Variants in KIF14 observed in about 807,000 individuals in gnomAD.
KIF14 encodes kinesin-like protein KIF14.
In KIF14, 98 loss-of-function variants were observed where a neutral mutation model predicts 176.2. That is an observed-to-expected ratio of 0.56 (90% CI 0.47 to 0.66). The LOEUF (loss-of-function observed/expected upper bound fraction) is 0.66, where lower values mean the gene tolerates loss of function less well. Among genes scored for constraint, KIF14 ranks in the 30% least tolerant of loss-of-function variants. The probability of loss-of-function intolerance (pLI) is 0.00; values close to 1 mark genes in which losing one functional copy is unlikely to be tolerated. For synonymous variants in KIF14, 566 were observed against 632.2 expected (o/e 0.90, Z 1.57); for missense variants, 1,751 against 1,920.4 (o/e 0.91, Z 1.65).
intron 19 of KIF14, among the ~76,000 whole-genome samples, chr1:200,581,671 AT>A (rs1232214411): frequency 6.7e-6 from 1 of 150,046 alleles, no homozygotes; most frequent in Non-Finnish European, 1.5e-5. Flanking sequence ...GTCCTTTTGT[AT>A]TTTGCCTAAA....
At chr1:200,570,686 C>T (rs1178653662) in intron 22 of KIF14, among the ~76,000 whole-genome samples, 1 of 152,160 alleles carries the variant, frequency 6.6e-6, no homozygotes, top group African/African-American at 2.4e-5. Context: ...TTATCCTGAG[C>T]AAATTATCCA....
In KIF14 at chr1:200,617,901, T is replaced by C. The variant is rs1354019069; in HGVS notation, c.823A>G (p.Lys275Glu). Reference protein sequence around the residue: ...KTSNKFGSLEKRTPTKCTTEH... With the variant: ...KTSNKFGSLEERTPTKCTTEH... ...GTTGTACATTTTGTAGGTGTTCTTTTTTCTAAGCTCCCAAATTTATTTGAA... is the reference window on the plus strand; with the variant it reads ...GTTGTACATTTTGTAGGTGTTCTTTCTTCTAAGCTCCCAAATTTATTTGAA... The change falls in exon 2 of 30, where the codon AAA becomes GAA. Residue 275 changes from lysine to glutamate, a missense_variant. Lys to Glu is a moderately conservative substitution (Grantham distance 56). Transcript: ENST00000367350. 1 of 1,614,030 alleles carries C rather than the reference T, an allele frequency of 6.2e-7. No individual in the cohort carries two copies. Among genetic ancestry groups the C allele is most frequent in the East Asian group, 2.2e-5 (1 of 44,896 alleles).
chr1:200,565,702 G>C, intron 23 of KIF14, 33 bp from the exon 24 acceptor site: 1 of 1,379,492 alleles, frequency 7.2e-7, no homozygotes, highest in Non-Finnish European at 9.9e-7. Context: ...TTTTAAGCTT[G>C]TTTTCAGGAA....
intron 19 of KIF14, 46 bp from the exon 20 acceptor site, chr1:200,581,340 C>A: frequency 9.6e-7 from 1 of 1,041,404 alleles, no homozygotes; most frequent in Non-Finnish European, 1.4e-6. Context: ...TACATGGACA[C>A]TAACATATAC....
intron 10 of KIF14, 97 bp from the exon 11 acceptor site, chr1:200,602,165 A>C: frequency 8.7e-6 from 8 of 922,644 alleles, no homozygotes; most frequent in Non-Finnish European, 9.7e-6. Context: ...TATATAATAC[A>C]GTATTATTAT....
At chr1:200,612,672 G>T (rs369579984) in intron 4 of KIF14, among the ~76,000 whole-genome samples, 1 of 152,090 alleles carries the variant, frequency 6.6e-6, no homozygotes, top group East Asian at 1.9e-4. Context: ...TATATCCACA[G>T]AAGAGACAGA....
At chr1:200,569,814 A>T in intron 23 of KIF14, 97 bp downstream of exon 23, 1 of 616,248 alleles carries the variant, frequency 1.6e-6, no homozygotes, top group Non-Finnish European at 2.7e-6. Flanking sequence ...AGCTTCCAGG[A>T]AATGAAATGA....
chr1:200,559,293 T>G, intron 27 of KIF14, 37 bp downstream of exon 27: 1 of 1,333,834 alleles, frequency 7.5e-7, no homozygotes, highest in Non-Finnish European at 1.0e-6. Flanking sequence ...TTATATATTA[T>G]TTAGTACTGT....
At chr1:200,567,496 T>A (rs1657530698) in intron 23 of KIF14, among the ~76,000 whole-genome samples, 1 of 145,088 alleles carries the variant, frequency 6.9e-6, no homozygotes. Flanking sequence ...ATTGCGCCAC[T>A]GCACTCCAGC....
chr1:200,617,870 T>C lies in KIF14; in HGVS notation c.854A>G (p.His285Arg), dbSNP rs200464561. The stretch of plus-strand genomic sequence containing the variant: ...CAGGCTGCACTTTGTTGTCAGTTTG[T>C]GTTCTGTTGTACATTTTGTAGGTGT... Reference protein sequence around the residue: ...KRTPTKCTTEHKLTTKCSLPQ... With the variant: ...KRTPTKCTTERKLTTKCSLPQ... Residue 285 changes from histidine to arginine, a missense_variant, in exon 2 of 30, where the codon CAC (histidine) becomes CGC (arginine). Coordinates refer to ENST00000367350, the MANE Select transcript of KIF14 (RefSeq NM_014875.3). The C allele has an allele frequency of 6.2e-7, 1 of 1,614,216 alleles. No individual in the cohort carries two copies. The highest frequency in any genetic ancestry group is 8.5e-7 in the Non-Finnish European group (1 of 1,180,030).
chr1:200,603,974 AAATT>A lies in KIF14; in HGVS notation c.1747-23_1747-20del. On this transcript the variant is annotated intron_variant, in intron 8 of 29. Transcript: ENST00000367350. The stretch of plus-strand genomic sequence containing the variant: ...ATTCTGTCTACAGCAAAATGATATT[AAATT>A]AAATTAAGTTCTATTACTTCCAATC... 1 of 1,453,566 alleles carries A rather than the reference AAATT, an allele frequency of 6.9e-7. No individual in the cohort carries two copies. The highest frequency in any genetic ancestry group is 9.7e-7 in the Non-Finnish European group (1 of 1,033,794). 90.0% of individuals were successfully genotyped at this position (1,453,566 alleles called of 1,614,324 possible).
chr1:200,597,935 AAGAT>A (rs1314646510), intron 14 of KIF14, among the ~76,000 whole-genome samples: 3 of 152,228 alleles, frequency 2.0e-5, no homozygotes, highest in Admixed American at 6.5e-5. Context: ...TCTGTTATGT[AAGAT>A]AGATAGTTTA....
At chr1:200,613,766 G>GA (rs577040307) in intron 4 of KIF14, among the ~76,000 whole-genome samples, 1,528 of 144,536 alleles carry the variant, frequency 0.011, 24 homozygotes, top group African/African-American at 0.034. Context: ...GAAAATTTGA[G>GA]AAAAAAAAAA....
In KIF14 at chr1:200,598,144, A is replaced by C. The variant is rs553275048; in HGVS notation, c.2549+93T>G. 3 of 1,065,500 alleles carry C rather than the reference A, an allele frequency of 2.8e-6. No individual in the cohort carries two copies. The African/African-American group carries it at 4.8e-5, about 17-fold the overall frequency. The allele number at this position is 1,065,500 out of a possible 1,614,324, so 66.0% of individuals were successfully genotyped here. A position where few individuals can be genotyped will look rare whatever the true frequency, so the allele number is the denominator to read the frequency against. ...TGGGTTTGAAGAATTCTACCAAACG[A>C]TCAGTATCAACGAATATGCCATATG... On this transcript the variant is annotated intron_variant, in intron 14 of 29. Coordinates refer to ENST00000367350, the MANE Select transcript of KIF14 (RefSeq NM_014875.3).
intron 4 of KIF14, among the ~76,000 whole-genome samples, chr1:200,613,779 T>C (rs1660272942): frequency 6.6e-6 from 1 of 150,590 alleles, no homozygotes; most frequent in Admixed American, 6.6e-5. Context: ...AAAAAAAAAC[T>C]GATCTAACAA....
At chr1:200,614,294 C>T (rs752517236) in intron 4 of KIF14, 24 bp downstream of exon 4, 33 of 1,284,508 alleles carry the variant, frequency 2.6e-5, no homozygotes, top group Non-Finnish European at 3.6e-5. Context: ...TGAAAAGAAG[C>T]TTGCAGGTAT....
chr1:200,594,127 G>T (rs1031472142), intron 14 of KIF14, among the ~76,000 whole-genome samples: 6 of 151,286 alleles, frequency 4.0e-5, no homozygotes, highest in Non-Finnish European at 1.5e-5. Context: ...TAGAGATGGG[G>T]TTTTGCCATG....
intron 2 of KIF14, 116 bp downstream of exon 2, chr1:200,617,496 A>G: frequency 1.0e-6 from 1 of 986,310 alleles, no homozygotes. Flanking sequence ...TCTATATAAA[A>G]GTATTGCCAA....
chr1:200,575,616 G>T lies in KIF14; in HGVS notation c.3541C>A (p.Pro1181Thr). The T allele has an allele frequency of 8.2e-6, 13 of 1,583,158 alleles. No homozygotes were observed. Among genetic ancestry groups the T allele is most frequent in the Non-Finnish European group, 1.1e-5 (13 of 1,161,344 alleles). The change falls in exon 22 of 30, where the codon CCA (proline) becomes ACA (threonine). Residue 1181 changes from proline (P) to threonine (T), a missense_variant. Physicochemically the swap from Pro to Thr is conservative, Grantham distance 38. Transcript: ENST00000367350. ...DEWEPDITDA[P>T]VSSLSRRRSR... Reference sequence around the variant, plus strand: ...CTCCTTCTAGAAAGTGAAGAAACTGGTGCATCTGTAATGTCGGGTTCCCAT... The same window carrying T: ...CTCCTTCTAGAAAGTGAAGAAACTGTTGCATCTGTAATGTCGGGTTCCCAT...
Sources: gnomAD v4.1 joint callset for allele counts (sites outside exome capture counted in the v4.1 genomes callset) on GRCh38, gnomAD v4.1.1 for gene constraint, MANE v1.5 for transcripts, NCBI Gene and HGNC (gene_info 2026-07-23, HGNC 2026-07-21) for gene names.